Variants in BRSK2 observed in about 807,000 individuals in gnomAD.
BRSK2 encodes BR serine/threonine kinase 2, also known as serine/threonine-protein kinase BRSK2.
A neutral mutation model predicts 83.3 loss-of-function variants in BRSK2; 19 were observed. The observed-to-expected ratio is 0.23, with a 90% CI of 0.16 to 0.33. The LOEUF (loss-of-function observed/expected upper bound fraction) is 0.33. BRSK2 is among the 10% of genes least tolerant of loss of function. The probability of loss-of-function intolerance (pLI) is 1.00; values close to 1 mark genes in which losing one functional copy is unlikely to be tolerated. For missense variants in BRSK2, 798 were observed against 1,042.3 expected, an observed-to-expected ratio of 0.77 and a Z score of 3.23; for synonymous variants, 519 against 435.4, an observed-to-expected ratio of 1.19 and a Z score of -2.39.
In BRSK2 at chr11:1,406,950, C is replaced by T. The variant is rs547073238; in HGVS notation, c.91+16575C>T. Among the ~76,000 whole-genome samples, 213 of 152,238 alleles carry T rather than the reference C, an allele frequency of 1.4e-3. 2 individuals are homozygous for T. The highest frequency in any genetic ancestry group is 2.5e-3 in the Non-Finnish European group (169 of 67,998). ...GTCTGCATGTGCAGGTGTGTGCGTG[C>T]GTGCCTGCCTGTGCGTGCAAACGTG... On this transcript the variant is annotated intron_variant, in intron 1 of 19. Transcript: ENST00000528841.
At chr11:1,447,303 C>A (rs1852289287) in intron 12 of BRSK2, among the ~76,000 whole-genome samples, 1 of 152,216 alleles carries the variant, frequency 6.6e-6, no homozygotes, top group African/African-American at 2.4e-5. Flanking sequence ...CCCCGGACTC[C>A]CCGACCCTGC....
chr11:1,402,674 G>A (rs1404749431), intron 1 of BRSK2, among the ~76,000 whole-genome samples: 1 of 152,186 alleles, frequency 6.6e-6, no homozygotes, highest in Non-Finnish European at 1.5e-5. Flanking sequence ...CTGGGCACTG[G>A]CAGAGGGCCA....
intron 19 of BRSK2, 75 bp from the exon 20 acceptor site, chr11:1,460,425 C>A: frequency 1.1e-6 from 1 of 942,218 alleles, no homozygotes; most frequent in Non-Finnish European, 1.4e-6. Context: ...TCCTTCCCTC[C>A]CCTCCTCTTT....
At chr11:1,460,140 G>A (rs1847236139) in intron 19 of BRSK2, among the ~76,000 whole-genome samples, 1 of 151,982 alleles carries the variant, frequency 6.6e-6, no homozygotes, top group African/African-American at 2.4e-5. Flanking sequence ...GGTGGGGAGG[G>A]AGGGGTCTCA....
At chr11:1,439,169 A>G (rs553054198) in intron 3 of BRSK2, among the ~76,000 whole-genome samples, 1 of 152,292 alleles carries the variant, frequency 6.6e-6, no homozygotes, top group South Asian at 2.1e-4. Context: ...CAGGGAACAT[A>G]CAGGGCTGGG....
intron 1 of BRSK2, among the ~76,000 whole-genome samples, chr11:1,392,240 G>A (rs1366257868): frequency 1.3e-5 from 2 of 152,208 alleles, no homozygotes; most frequent in African/African-American, 4.8e-5. Context: ...AGCTCAAGAG[G>A]GAGATAGGCT....
At chr11:1,448,307 G>GC (rs1852456399) in intron 12 of BRSK2, among the ~76,000 whole-genome samples, 1 of 152,182 alleles carries the variant, frequency 6.6e-6, no homozygotes, top group Non-Finnish European at 1.5e-5. Flanking sequence ...GGCCAGTTTT[G>GC]CGAGCCTGGG....
At position 1,438,430 on chromosome 11, in the gene BRSK2, GTGGC is replaced by G; in HGVS notation, c.272+40_272+43del. 2 of 1,592,184 alleles carry G rather than the reference GTGGC, an allele frequency of 1.3e-6. No individual in the cohort carries two copies. Among genetic ancestry groups the G allele is most frequent in the South Asian group, 1.1e-5 (1 of 90,544 alleles). On this transcript the variant is annotated intron_variant, in intron 3 of 19. Transcript: ENST00000528841. The surrounding 1 kb of genome is among the most constrained non-coding windows in gnomAD (Gnocchi z 6.4). ...GGTCTGAAGAGCTGGGGTGGCGGAGGTGGCAGCTGTCGCTGCAGGGGTGGGTGTC... is the reference window on the plus strand; with the variant it reads ...GGTCTGAAGAGCTGGGGTGGCGGAGGAGCTGTCGCTGCAGGGGTGGGTGTC...
At chr11:1,424,189 C>T (rs573775383) in intron 1 of BRSK2, among the ~76,000 whole-genome samples, 8 of 152,318 alleles carry the variant, frequency 5.3e-5, no homozygotes, top group East Asian at 3.9e-4. Flanking sequence ...CTGTGGCCTC[C>T]GGAACTGCTC....
At chr11:1,396,161 C>A (rs930321724) in intron 1 of BRSK2, among the ~76,000 whole-genome samples, 13 of 151,930 alleles carry the variant, frequency 8.6e-5, no homozygotes, top group African/African-American at 3.1e-4. Context: ...TGTGTGTGGA[C>A]CCCTGCGTCC....
chr11:1,457,126 G>A, intron 18 of BRSK2: 1 of 1,325,834 alleles, frequency 7.5e-7, no homozygotes. Context: ...GCCCTGAGCA[G>A]GGCCCTCCAT....
intron 1 of BRSK2, among the ~76,000 whole-genome samples, chr11:1,420,125 T>C (rs1848504990): frequency 6.6e-6 from 1 of 152,222 alleles, no homozygotes; most frequent in Non-Finnish European, 1.5e-5. Context: ...GCCCGGAGGC[T>C]CGGTGTCCGT....
chr11:1,448,275 G>A (rs1055792600), intron 12 of BRSK2, among the ~76,000 whole-genome samples: 1 of 152,196 alleles, frequency 6.6e-6, no homozygotes, highest in African/African-American at 2.4e-5. Context: ...AGGCGCCGCC[G>A]TCAAGAGGGG....
chr11:1,424,516 A>G (rs562749915), intron 1 of BRSK2, among the ~76,000 whole-genome samples: 2 of 152,192 alleles, frequency 1.3e-5, no homozygotes, highest in African/African-American at 2.4e-5. Context: ...GGGTGGGGCC[A>G]AGTGGCAGGA....
At chr11:1,406,297 A>G (rs1846873133) in intron 1 of BRSK2, among the ~76,000 whole-genome samples, 1 of 152,194 alleles carries the variant, frequency 6.6e-6, no homozygotes, top group South Asian at 2.1e-4. Flanking sequence ...CCCCATCTCT[A>G]CTAAAAATAC....
At chr11:1,398,260 G>A (rs893852575) in intron 1 of BRSK2, among the ~76,000 whole-genome samples, 15 of 152,324 alleles carry the variant, frequency 9.8e-5, no homozygotes, top group African/African-American at 3.4e-4. Flanking sequence ...ATCGGGCCTC[G>A]TGTCCTCGGC....
chr11:1,427,122 A>G lies in BRSK2; in HGVS notation c.92-8918A>G, dbSNP rs1197181168. Among the ~76,000 whole-genome samples, 6 of 151,182 alleles carry G rather than the reference A, an allele frequency of 4.0e-5. No individual in the cohort carries two copies. In the South Asian group the frequency reaches 1.3e-3, roughly 32 times the overall value. On this transcript the variant is annotated intron_variant, in intron 1 of 19. Coordinates refer to ENST00000528841, the MANE Select transcript of BRSK2 (RefSeq NM_001256627.2). ...TTGGCTCCTGGACCTGCAGCCCCCC[A>G]TCCCCTCTCTCCCCACAGCCCCACT...
chr11:1,411,542 A>C, intron 1 of BRSK2: 1 of 1,560,194 alleles, frequency 6.4e-7, no homozygotes, highest in Admixed American at 1.8e-5. Context: ...ACAGAGTGCC[A>C]GCTGGCCACA....
intron 15 of BRSK2, 123 bp downstream of exon 15, chr11:1,451,542 C>T: frequency 9.9e-7 from 1 of 1,013,080 alleles, no homozygotes; most frequent in Non-Finnish European, 1.5e-6. Context: ...CCTCCCACTG[C>T]AGGCAGGCCC....
Sources: allele counts gnomAD v4.1 joint callset (sites outside exome capture counted in the v4.1 genomes callset), GRCh38; gene constraint gnomAD v4.1.1; non-coding constraint Gnocchi (gnomAD v3.1); transcripts MANE v1.5; gene names NCBI Gene and HGNC (gene_info 2026-07-23, HGNC 2026-07-21).